The following ENAH variants were observed in gnomAD, a reference collection of about 807,000 sequenced individuals.
ENAH encodes the protein ENAH actin regulator.
In ENAH, 23 loss-of-function variants were observed where a neutral mutation model predicts 78.7. The ratio of observed to expected loss-of-function variants is 0.29; its 90% CI spans 0.21 to 0.41. The LOEUF (loss-of-function observed/expected upper bound fraction) is 0.41, where lower values mean the gene tolerates loss of function less well. Ranked by LOEUF, ENAH falls within the 10% of genes least tolerant of loss-of-function variation. ENAH has a pLI of 1.00. For missense variants in ENAH, 544 were observed against 691.0 expected, an observed-to-expected ratio of 0.79 and a Z score of 2.39; for synonymous variants, 226 against 241.0, an observed-to-expected ratio of 0.94 and a Z score of 0.58.
intron 1 of ENAH, among the ~76,000 whole-genome samples, chr1:225,619,193 T>A (rs1188870233): frequency 6.6e-6 from 1 of 152,208 alleles, no homozygotes; most frequent in Non-Finnish European, 1.5e-5. Context: ...TTGTCTTTCA[T>A]TTGTGATAAA....
rs963781176 is a variant in ENAH at position 225,652,926 on chromosome 1, C to A, written c.-236G>T. ...TGGGGAGGGGGCGGAGAGGCCGAGG[C>A]GCGGAGCTGGTCCCCAGGCGGCCGC... On this transcript the variant is annotated 5_prime_UTR_variant, in exon 1 of 14. Transcript: ENST00000366843. 2.6e-6 allele frequency: 1 copy of A among 388,520 alleles called. No homozygotes were observed. The highest frequency in any genetic ancestry group is 4.5e-6 in the Non-Finnish European group (1 of 220,336). The allele number at this position is 388,520 out of a possible 1,614,324, so 24.1% of individuals were successfully genotyped here.
chr1:225,556,379 A>G (rs1227426478), intron 2 of ENAH, among the ~76,000 whole-genome samples: 1 of 152,206 alleles, frequency 6.6e-6, no homozygotes, highest in African/African-American at 2.4e-5. Flanking sequence ...TACAACTGGT[A>G]CTGTCAGTCT....
chr1:225,580,614 C>T (rs546145135), intron 1 of ENAH, among the ~76,000 whole-genome samples: 2 of 152,280 alleles, frequency 1.3e-5, no homozygotes, highest in East Asian at 3.9e-4. Flanking sequence ...TGCCTGACCC[C>T]AAGACCTTAA....
intron 12 of ENAH, 64 bp downstream of exon 12, chr1:225,500,928 C>A: frequency 7.2e-7 from 1 of 1,383,088 alleles, no homozygotes; most frequent in South Asian, 1.2e-5. Context: ...CAAAGATATG[C>A]ATATGGGATA....
At chr1:225,610,286 C>A (rs541189755) in intron 1 of ENAH, among the ~76,000 whole-genome samples, 45 of 151,976 alleles carry the variant, frequency 3.0e-4, no homozygotes, top group African/African-American at 1.0e-3. Context: ...AATATGTACG[C>A]ATTATTTTGT....
intron 10 of ENAH, among the ~76,000 whole-genome samples, chr1:225,510,645 G>A (rs1370289879): frequency 6.6e-6 from 1 of 151,442 alleles, no homozygotes; most frequent in South Asian, 2.1e-4. Context: ...GAGGAATGGG[G>A]GGAGTGGTGA....
chr1:225,634,842 G>C (rs1659777508), intron 1 of ENAH, among the ~76,000 whole-genome samples: 1 of 152,190 alleles, frequency 6.6e-6, no homozygotes, highest in Non-Finnish European at 1.5e-5. Flanking sequence ...GCAAAGTTAA[G>C]TTTTGAAATC....
chr1:225,636,702 A>G (rs1362922340), intron 1 of ENAH, among the ~76,000 whole-genome samples: 2 of 152,220 alleles, frequency 1.3e-5, no homozygotes, highest in Non-Finnish European at 2.9e-5. Context: ...GAATAAAATG[A>G]GAAGGCCAAA....
rs1658091844 is a variant in ENAH at position 225,627,120 on chromosome 1, C to T, written c.5+25566G>A. On this transcript the variant is annotated intron_variant, in intron 1 of 13. Transcript: ENST00000366843. The stretch of plus-strand genomic sequence containing the variant: ...CAAAATGAGAAAGACAGTTTTAATA[C>T]AATGTGTCTTAAATTGATATTATTT... Among the ~76,000 whole-genome samples the T allele has an allele frequency of 2.6e-5, 4 of 152,146 alleles. No homozygotes were observed. The South Asian group carries it at 8.3e-4, about 31-fold the overall frequency.
chr1:225,571,956 T>A (rs1423393001), intron 1 of ENAH, among the ~76,000 whole-genome samples: 2 of 152,120 alleles, frequency 1.3e-5, no homozygotes, highest in African/African-American at 4.8e-5. Context: ...TGAAGCGCTT[T>A]CCTGAGTTTT....
chr1:225,652,907 G>A lies in ENAH; in HGVS notation c.-217C>T, dbSNP rs935006740. The A allele has an allele frequency of 3.3e-5, 13 of 395,474 alleles. No individual in the cohort carries two copies. Among genetic ancestry groups the A allele is most frequent in the Admixed American group, 2.7e-4 (6 of 22,534 alleles). The allele number at this position is 395,474 out of a possible 1,614,324, so 24.5% of individuals were successfully genotyped here. On this transcript the variant is annotated 5_prime_UTR_variant, in exon 1 of 14. Transcript: ENST00000366843. ...AAGAGGGCGAGAGAAAGGCTGGGGA[G>A]GGGGCGGAGAGGCCGAGGCGCGGAG...
At chr1:225,521,885 T>C (rs1391728236) in intron 4 of ENAH, among the ~76,000 whole-genome samples, 5 of 151,892 alleles carry the variant, frequency 3.3e-5, no homozygotes, top group African/African-American at 1.2e-4. Context: ...AAGCTCCACC[T>C]CCCAGGTTCA....
intron 1 of ENAH, among the ~76,000 whole-genome samples, chr1:225,596,388 G>A (rs2096902068): frequency 6.6e-6 from 1 of 152,144 alleles, no homozygotes; most frequent in African/African-American, 2.4e-5. Flanking sequence ...CTCAAGTTGA[G>A]TTTAGCCCTC....
At chr1:225,572,316 G>A (rs10495242) in intron 1 of ENAH, among the ~76,000 whole-genome samples, 3,464 of 152,176 alleles carry the variant, frequency 0.023, 122 homozygotes, top group African/African-American at 0.079. Context: ...ATCAAAAGCA[G>A]ACTAGATAAA....
Position 225,514,755 on chromosome 1 carries a change from G to A in ENAH, c.1059C>T (p.Pro353=), listed in dbSNP as rs762277634. The A allele has an allele frequency of 1.8e-5, 25 of 1,415,520 alleles. No homozygotes were observed. Among genetic ancestry groups the A allele is most frequent in the Non-Finnish European group, 2.4e-5 (25 of 1,049,296 alleles). 87.7% of individuals were successfully genotyped at this position (1,415,520 alleles called of 1,614,324 possible). ...GGGGTACTTGATTAGGGAGAGGAGG[G>A]GGAGGAGGGGGCGGTGGAGGCCCGG... The part of the protein sequence containing the change: ...PSTGPPPPPP[P]PPLPNQVPPP... Residue 353 remains proline, a synonymous_variant, in exon 7 of 14, where the codon CCC becomes CCT. Transcript: ENST00000366843.
intron 1 of ENAH, among the ~76,000 whole-genome samples, chr1:225,600,740 C>G (rs1327766829): frequency 6.6e-6 from 1 of 151,966 alleles, no homozygotes; most frequent in African/African-American, 2.4e-5. Flanking sequence ...CGCCCGGAGT[C>G]CCAGCTACTG....
At position 225,615,609 on chromosome 1, in the gene ENAH, C is replaced by T. The variant is rs192187959; in HGVS notation, c.5+37077G>A. On this transcript the variant is annotated intron_variant, in intron 1 of 13. Transcript: ENST00000366843. ...GTCTGGGAAGTGAGGAGCGTCTCTG[C>T]CCGGCCGCCCGGCGTCTGAGATGTG... Among the ~76,000 whole-genome samples the T allele has an allele frequency of 3.8e-4, 57 of 151,728 alleles. 1 individual carries two copies. The highest frequency in any genetic ancestry group is 1.4e-3 in the African/African-American group (57 of 41,250).
At chr1:225,509,470 T>C (rs1489203751) in intron 10 of ENAH, among the ~76,000 whole-genome samples, 1 of 152,214 alleles carries the variant, frequency 6.6e-6, no homozygotes, top group African/African-American at 2.4e-5. Flanking sequence ...CTGTGGAAGC[T>C]GAGAAGCAAG....
At chr1:225,553,024 A>C (rs1003399205) in intron 3 of ENAH, among the ~76,000 whole-genome samples, 3 of 152,234 alleles carry the variant, frequency 2.0e-5, no homozygotes, top group Non-Finnish European at 2.9e-5. Context: ...ACTTGAGGTC[A>C]GAAGTTTGAG....
Sources: allele counts gnomAD v4.1 joint callset (sites outside exome capture counted in the v4.1 genomes callset), GRCh38; gene constraint gnomAD v4.1.1; transcripts MANE v1.5; gene names NCBI Gene and HGNC (gene_info 2026-07-23, HGNC 2026-07-21).